The following EIF4G3 variants were observed in gnomAD, a reference collection of about 807,000 sequenced individuals.
EIF4G3 encodes the protein eIF-4-gamma 3.
EIF4G3 carries 34 observed loss-of-function variants against 186.4 expected under a neutral mutation model. The ratio of observed to expected loss-of-function variants is 0.18; its 90% CI spans 0.14 to 0.24. EIF4G3 has a LOEUF of 0.24. Among genes scored for constraint, EIF4G3 ranks in the 10% least tolerant of loss-of-function variants. The pLI is 1.00. For synonymous variants in EIF4G3, 673 were observed against 679.5 expected, an observed-to-expected ratio of 0.99 and a Z score of 0.15; for missense variants, 1,536 against 1,948.5, an observed-to-expected ratio of 0.79 and a Z score of 3.99.
intron 4 of EIF4G3, among the ~76,000 whole-genome samples, chr1:21,029,383 T>A (rs2092513806): frequency 6.6e-6 from 1 of 151,302 alleles, no homozygotes; most frequent in African/African-American, 2.4e-5. Context: ...AGCAGAGCCA[T>A]CCATCCTGGG....
Position 21,131,980 on chromosome 1 carries a change from T to A in EIF4G3, c.-271-42767A>T, listed in dbSNP as rs561340190. 1.2e-3 allele frequency among the ~76,000 whole-genome samples: 178 copies of A among 151,396 alleles called. 1 individual carries two copies. The highest frequency in any genetic ancestry group is 4.1e-3 in the African/African-American group (171 of 41,272). ...GTGAGACACTGTCTCAAAAAAAAAA[T>A]TTTTTTAATAATCAAAAAAAGAAAG... On this transcript the variant is annotated intron_variant, in intron 2 of 36. Transcript: ENST00000602326.
intron 3 of EIF4G3, among the ~76,000 whole-genome samples, chr1:21,062,778 A>C (rs1333858772): frequency 6.6e-6 from 1 of 152,128 alleles, no homozygotes; most frequent in Non-Finnish European, 1.5e-5. Context: ...TTTAGTAGAA[A>C]CAGGGTTTTA....
chr1:20,842,209 T>C (rs1444566191), intron 29 of EIF4G3, among the ~76,000 whole-genome samples: 2 of 152,234 alleles, frequency 1.3e-5, no homozygotes, highest in African/African-American at 4.8e-5. Flanking sequence ...TGTCTCTGAA[T>C]GTCTAATATA....
chr1:20,980,576 A>T, intron 9 of EIF4G3, 128 bp from the exon 10 acceptor site: 2 of 636,748 alleles, frequency 3.1e-6, no homozygotes, highest in Non-Finnish European at 5.1e-6. Context: ...CATTTAAATG[A>T]GGTAAAGCGA....
At chr1:20,947,512 G>C (rs2096014050) in intron 13 of EIF4G3, among the ~76,000 whole-genome samples, 1 of 150,994 alleles carries the variant, frequency 6.6e-6, no homozygotes, top group Non-Finnish European at 1.5e-5. Flanking sequence ...AATTAGAAAT[G>C]TTACTGTTTG....
intron 24 of EIF4G3, among the ~76,000 whole-genome samples, 154 bp from the exon 25 acceptor site, chr1:20,857,651 AAGCAGAAGCACCCTGTATC>A (rs1000869726): frequency 2.2e-4 from 33 of 152,190 alleles, no homozygotes; most frequent in Admixed American, 1.3e-3. Context: ...AGGAAAATAT[AAGCAGAAGCACCCTGTATC>A]AGCAGAAGCA....
At chr1:20,922,589 G>A (rs141032665) in intron 14 of EIF4G3, among the ~76,000 whole-genome samples, 2,477 of 152,274 alleles carry the variant, frequency 0.016, 35 homozygotes, top group Non-Finnish European at 0.025. Flanking sequence ...GAGCCACCAC[G>A]TCCAGCATTC....
intron 7 of EIF4G3, among the ~76,000 whole-genome samples, chr1:20,996,813 G>T (rs541544575): frequency 1.3e-5 from 2 of 152,230 alleles, no homozygotes; most frequent in South Asian, 4.1e-4. Context: ...ACATAGTAAA[G>T]CTTGTAATAT....
intron 7 of EIF4G3, among the ~76,000 whole-genome samples, chr1:20,994,843 T>A (rs1287401190): frequency 6.6e-6 from 1 of 152,084 alleles, no homozygotes; most frequent in Non-Finnish European, 1.5e-5. Flanking sequence ...TTCGCCATGT[T>A]GCTCAGGCTG....
intron 2 of EIF4G3, among the ~76,000 whole-genome samples, chr1:21,144,763 C>G (rs903837940): frequency 6.6e-6 from 1 of 151,976 alleles, no homozygotes; most frequent in Non-Finnish European, 1.5e-5. Context: ...TTCAAAAAGC[C>G]CACGAAGGTG....
intron 19 of EIF4G3, among the ~76,000 whole-genome samples, chr1:20,882,022 G>C (rs982668509): frequency 1.3e-5 from 2 of 151,734 alleles, no homozygotes; most frequent in Non-Finnish European, 2.9e-5. Flanking sequence ...AAATTAGCTG[G>C]GTGTGTAGTA....
chr1:21,144,183 A>G (rs1051144357), intron 2 of EIF4G3, among the ~76,000 whole-genome samples: 3 of 152,214 alleles, frequency 2.0e-5, no homozygotes, highest in African/African-American at 7.2e-5. Context: ...CCAAGTATCT[A>G]TGGGTAATCT....
intron 4 of EIF4G3, among the ~76,000 whole-genome samples, chr1:21,045,737 G>A (rs1487499753): frequency 1.3e-5 from 2 of 151,906 alleles, no homozygotes; most frequent in East Asian, 1.9e-4. Flanking sequence ...CAATAAGTAG[G>A]AGTCTCTTTT....
At chr1:21,071,292 G>T (rs1034488334) in intron 3 of EIF4G3, among the ~76,000 whole-genome samples, 8 of 152,096 alleles carry the variant, frequency 5.3e-5, no homozygotes, top group Non-Finnish European at 1.0e-4. Flanking sequence ...TGCACCTGTA[G>T]TCCCAGCTAC....
At chr1:20,826,358 G>A (rs2063625449) in intron 32 of EIF4G3, among the ~76,000 whole-genome samples, 2 of 151,346 alleles carry the variant, frequency 1.3e-5, no homozygotes, top group Admixed American at 1.3e-4. Context: ...GTAGAGATGG[G>A]ATTTTGCCAT....
intron 4 of EIF4G3, among the ~76,000 whole-genome samples, chr1:21,020,617 A>G (rs1373566563): frequency 1.3e-5 from 2 of 152,240 alleles, no homozygotes; most frequent in African/African-American, 4.8e-5. Context: ...TGTCCAAGTC[A>G]GGTCCTATTT....
At chr1:20,985,360 T>C (rs2079218585) in intron 7 of EIF4G3, among the ~76,000 whole-genome samples, 1 of 152,192 alleles carries the variant, frequency 6.6e-6, no homozygotes, top group Admixed American at 6.5e-5. Context: ...GCATACCATT[T>C]TACAGACTTA....
chr1:20,909,035 C>A (rs912087003), intron 14 of EIF4G3, among the ~76,000 whole-genome samples: 2 of 151,980 alleles, frequency 1.3e-5, no homozygotes, highest in African/African-American at 4.8e-5. Context: ...GCCTGTAATC[C>A]CAGCTACTCG....
intron 12 of EIF4G3, among the ~76,000 whole-genome samples, chr1:20,955,026 G>C (rs1224483450): frequency 6.6e-6 from 1 of 152,158 alleles, no homozygotes; most frequent in African/African-American, 2.4e-5. Flanking sequence ...CTAAAAGGAA[G>C]AGTATTCCAT....
Sources: allele counts gnomAD v4.1 joint callset (sites outside exome capture counted in the v4.1 genomes callset), GRCh38; gene constraint gnomAD v4.1.1; transcripts MANE v1.5; gene names NCBI Gene and HGNC (gene_info 2026-07-23, HGNC 2026-07-21).